Variants in LRRN1 observed in about 807,000 individuals in gnomAD.
The protein encoded by LRRN1 is leucine rich repeat neuronal 1.
LRRN1 carries 14 observed loss-of-function variants against 45.8 expected under a neutral mutation model. That is an observed-to-expected ratio of 0.31 (90% confidence interval 0.20 to 0.48). LRRN1 has a LOEUF of 0.48. Among genes scored for constraint, LRRN1 ranks in the 20% least tolerant of loss-of-function variants. The pLI is 0.99. For synonymous variants in LRRN1, 359 were observed against 330.1 expected (o/e 1.09, Z -0.95); for missense variants, 789 against 874.2 (o/e 0.90, Z 1.23).
At chr3:3,827,367 C>A (rs982820163) in intron 1 of LRRN1, 1 of 451,832 alleles carries the variant, frequency 2.2e-6, no homozygotes, top group Non-Finnish European at 4.5e-6. Context: ...AGCACTGGGG[C>A]CTGTAGCTGA....
At chr3:3,836,940 G>C (rs1268265611) in intron 1 of LRRN1, among the ~76,000 whole-genome samples, 4 of 152,164 alleles carry the variant, frequency 2.6e-5, no homozygotes, top group African/African-American at 9.7e-5. Context: ...GGCCAAACCT[G>C]GGACTGGACC....
intron 1 of LRRN1, among the ~76,000 whole-genome samples, chr3:3,829,941 CT>C (rs1559299049): frequency 6.6e-6 from 1 of 152,140 alleles, no homozygotes; most frequent in Admixed American, 6.5e-5. Context: ...AGGAATGGTG[CT>C]TTATCGAGGG....
At chr3:3,831,155 C>A (rs1350984121) in intron 1 of LRRN1, among the ~76,000 whole-genome samples, 2 of 152,180 alleles carry the variant, frequency 1.3e-5, no homozygotes, top group Admixed American at 1.3e-4. Context: ...TCTCAGTTCA[C>A]TTGATAAATG....
intron 1 of LRRN1, among the ~76,000 whole-genome samples, chr3:3,812,767 T>TG (rs1692903017): frequency 6.6e-6 from 1 of 150,566 alleles, no homozygotes; most frequent in Non-Finnish European, 1.5e-5. Flanking sequence ...CCTCCATTTC[T>TG]GTGTGGCTTT....
At chr3:3,829,676 C>A (rs1304596495) in intron 1 of LRRN1, among the ~76,000 whole-genome samples, 2 of 152,210 alleles carry the variant, frequency 1.3e-5, no homozygotes, top group Non-Finnish European at 1.5e-5. Flanking sequence ...CCAGTGAATT[C>A]CATGAGCATG....
intron 1 of LRRN1, among the ~76,000 whole-genome samples, chr3:3,840,299 C>A (rs575377244): frequency 1.2e-3 from 179 of 152,262 alleles, no homozygotes; most frequent in Middle Eastern, 3.4e-3. Flanking sequence ...ACATATGGAA[C>A]CTTCCTTGCA....
At chr3:3,843,727 G>A (rs1210519836) in intron 1 of LRRN1, among the ~76,000 whole-genome samples, 1 of 152,292 alleles carries the variant, frequency 6.6e-6, no homozygotes, top group East Asian at 1.9e-4. Flanking sequence ...CATCCATGTT[G>A]TAGGATATTA....
At chr3:3,829,089 C>T (rs1221833383) in intron 1 of LRRN1, among the ~76,000 whole-genome samples, 1 of 151,032 alleles carries the variant, frequency 6.6e-6, no homozygotes, top group Non-Finnish European at 1.5e-5. Flanking sequence ...TGTAGTTTTC[C>T]ATTGACCTTA....
chr3:3,813,421 C>G (rs1036042155), intron 1 of LRRN1, among the ~76,000 whole-genome samples: 1 of 152,138 alleles, frequency 6.6e-6, no homozygotes, highest in African/African-American at 2.4e-5. Context: ...AATTTAGACA[C>G]TATTACCAAA....
rs1361592758 is a variant in LRRN1 at position 3,845,113 on chromosome 3, ATTTCTGCTCATGC to A, written c.476_488del (p.Ser159LeufsTer4). The A allele has an allele frequency of 6.2e-7, 1 of 1,614,054 alleles. No individual in the cohort carries two copies. The highest frequency in any genetic ancestry group is 1.7e-5 in the Admixed American group (1 of 59,996). ...CATCAACCACAACCAAATTAGCACT[ATTTCTGCTCATGC>A]TTTTGCAGGCTTAAAAAATCTATTA... On this transcript the variant is annotated frameshift_variant, in exon 2 of 2. Transcript: ENST00000319331. LOFTEE classifies it high-confidence loss of function. The surrounding 1 kb of genome is among the most constrained non-coding windows in gnomAD (Gnocchi z 6.5).
chr3:3,820,355 C>G (rs538244747), intron 1 of LRRN1, among the ~76,000 whole-genome samples: 1 of 152,148 alleles, frequency 6.6e-6, no homozygotes, highest in Non-Finnish European at 1.5e-5. Flanking sequence ...GCAAATTTGC[C>G]ATCAAAAGCT....
At chr3:3,821,581 T>A (rs1693106395) in intron 1 of LRRN1, among the ~76,000 whole-genome samples, 3 of 152,166 alleles carry the variant, frequency 2.0e-5, no homozygotes, top group Admixed American at 6.5e-5. Context: ...GTATTTTTAA[T>A]TAAATCAGTG....
rs928286046 is a variant in LRRN1 at position 3,823,981 on chromosome 3, G to T, written c.-278-20383G>T. On this transcript the variant is annotated intron_variant, in intron 1 of 1. Coordinates refer to ENST00000319331, the MANE Select transcript of LRRN1 (RefSeq NM_020873.7). ...AAGATGGCTAACATGCACTGAGCTG[G>T]AGTCAAGACCAGAGGTAAGGACTCA... 2.0e-4 allele frequency among the ~76,000 whole-genome samples: 30 copies of T among 152,168 alleles called. 1 individual carries two copies. Among genetic ancestry groups the T allele is most frequent in the Non-Finnish European group, 2.9e-5 (2 of 68,026 alleles).
chr3:3,818,532 A>G (rs1334302774), intron 1 of LRRN1, among the ~76,000 whole-genome samples: 1 of 152,196 alleles, frequency 6.6e-6, no homozygotes, highest in Non-Finnish European at 1.5e-5. Flanking sequence ...TCTTGATCTT[A>G]CAAGTGATTT....
chr3:3,811,034 C>T (rs191414431), intron 1 of LRRN1, among the ~76,000 whole-genome samples: 1 of 152,262 alleles, frequency 6.6e-6, no homozygotes, highest in Admixed American at 6.5e-5. Context: ...ATACTCTTAG[C>T]TCTGGGGGAA....
rs61158523 is a variant in LRRN1 at position 3,823,244 on chromosome 3, T to TAG, written c.-278-21117_-278-21116dup. On this transcript the variant is annotated intron_variant, in intron 1 of 1. Coordinates refer to ENST00000319331, the MANE Select transcript of LRRN1 (RefSeq NM_020873.7). ...TGTGTGTCCTGTGGGAGGTGGTACT[T>TAG]AGAGCATGGGCTTTGAAACCAAGAC... is the stretch of plus-strand genomic sequence containing the variant. 4.8e-3 allele frequency among the ~76,000 whole-genome samples: 725 copies of TAG among 152,276 alleles called. 4 individuals are homozygous for TAG. Among genetic ancestry groups the TAG allele is most frequent in the African/African-American group, 0.016 (683 of 41,562 alleles).
chr3:3,843,149 C>T (rs549385366), intron 1 of LRRN1, among the ~76,000 whole-genome samples: 5 of 152,170 alleles, frequency 3.3e-5, no homozygotes, highest in Non-Finnish European at 7.3e-5. Context: ...TCTCAATAAT[C>T]CTATGAGAAC....
intron 1 of LRRN1, among the ~76,000 whole-genome samples, chr3:3,838,576 AT>A (rs1196882449): frequency 6.6e-6 from 1 of 152,114 alleles, no homozygotes; most frequent in Non-Finnish European, 1.5e-5. Flanking sequence ...TGGTGATTAT[AT>A]TTTCAATTTT....
rs994062512 is a variant in LRRN1, at chr3:3,799,491, G to C, written c.-707G>C. 2 of 151,958 alleles carry C rather than the reference G, an allele frequency of 1.3e-5. No homozygotes were observed. The highest frequency in any genetic ancestry group is 4.8e-5 in the African/African-American group (2 of 41,422). 9.4% of individuals were successfully genotyped at this position (151,958 alleles called of 1,614,324 possible). On this transcript the variant is annotated 5_prime_UTR_variant, in exon 1 of 2. Coordinates refer to ENST00000319331, the MANE Select transcript of LRRN1 (RefSeq NM_020873.7). ...CGAGCCGGTGAACGAGGCGAGGCCC[G>C]TGCGCCCGCGGCTGCAAGCGCCCGC...
Sources: allele counts gnomAD v4.1 joint callset (sites outside exome capture counted in the v4.1 genomes callset), GRCh38; gene constraint gnomAD v4.1.1; non-coding constraint Gnocchi (gnomAD v3.1); transcripts MANE v1.5; gene names NCBI Gene and HGNC (gene_info 2026-07-23, HGNC 2026-07-21).